The following WBP1L variants were observed in gnomAD, a reference collection of about 807,000 sequenced individuals.
The protein encoded by WBP1L is WW domain binding protein 1-like.
A neutral mutation model predicts 33.7 loss-of-function variants in WBP1L; 17 were observed. The ratio of observed to expected loss-of-function variants is 0.50; its 90% CI spans 0.34 to 0.76. WBP1L has a LOEUF of 0.76. Ranked by LOEUF, WBP1L falls within the 30% of genes least tolerant of loss-of-function variation. The pLI is 0.01. For missense variants in WBP1L, 389 were observed against 469.4 expected (o/e 0.83, Z 1.58); for synonymous variants, 173 against 190.8 (o/e 0.91, Z 0.77).
intron 1 of WBP1L, among the ~76,000 whole-genome samples, chr10:102,764,000 G>T (rs529698835): frequency 1.3e-5 from 2 of 151,636 alleles, no homozygotes; most frequent in East Asian, 3.9e-4. Flanking sequence ...TTTTGGTAAA[G>T]ACATGGTTTC....
intron 2 of WBP1L, among the ~76,000 whole-genome samples, chr10:102,803,471 A>G (rs998404791): frequency 6.6e-6 from 1 of 152,198 alleles, no homozygotes; most frequent in Non-Finnish European, 1.5e-5. Context: ...TTTGCTTAGC[A>G]TGACAAATGC....
intron 1 of WBP1L, among the ~76,000 whole-genome samples, chr10:102,781,005 A>G (rs1445703268): frequency 1.3e-5 from 2 of 152,240 alleles, no homozygotes; most frequent in Non-Finnish European, 2.9e-5. Context: ...AATACCCATC[A>G]AAGCCCTCTT....
chr10:102,814,359 C>T lies in WBP1L; in HGVS notation c.*1028C>T, dbSNP rs1193772154. 6.6e-6 allele frequency: 1 copy of T among 152,596 alleles called. No individual in the cohort carries two copies. Among genetic ancestry groups the T allele is most frequent in the Non-Finnish European group, 1.5e-5 (1 of 68,066 alleles). The allele number at this position is 152,596 out of a possible 1,614,324, so 9.5% of individuals were successfully genotyped here. A position where few individuals can be genotyped will look rare whatever the true frequency, so the allele number is the denominator to read the frequency against. Reference sequence around the variant, plus strand: ...CATCGCAAGCACACACCCTGCGGGCCTTCAAGTCTCACTGTTCCGTATGAG... The same window carrying T: ...CATCGCAAGCACACACCCTGCGGGCTTTCAAGTCTCACTGTTCCGTATGAG... On this transcript the variant is annotated 3_prime_UTR_variant, in exon 4 of 4. Transcript: ENST00000448841.
chr10:102,743,992 G>A lies in WBP1L; in HGVS notation c.-62G>A. 1 of 1,222,934 alleles carries A rather than the reference G, an allele frequency of 8.2e-7. No homozygotes were observed. Among genetic ancestry groups the A allele is most frequent in the Non-Finnish European group, 1.2e-6 (1 of 854,666 alleles). 75.8% of individuals were successfully genotyped at this position (1,222,934 alleles called of 1,614,324 possible). Reference sequence around the variant, plus strand: ...GAAGAAGGAAGAAGAGGGTAGAGGAGGAGAGGGAGGAGGAGGAGGGAGGTG... The same window carrying A: ...GAAGAAGGAAGAAGAGGGTAGAGGAAGAGAGGGAGGAGGAGGAGGGAGGTG... On this transcript the variant is annotated 5_prime_UTR_variant, in exon 1 of 4. Transcript: ENST00000448841.
chr10:102,808,573 G>T (rs114593732), intron 2 of WBP1L, among the ~76,000 whole-genome samples: 28 of 152,354 alleles, frequency 1.8e-4, no homozygotes, highest in African/African-American at 6.7e-4. Context: ...TACTGCAAGG[G>T]CAGGCCAAAG....
intron 1 of WBP1L, among the ~76,000 whole-genome samples, chr10:102,784,672 A>G (rs543211502): frequency 9.9e-5 from 15 of 151,818 alleles, no homozygotes; most frequent in East Asian, 5.8e-4. Context: ...TGATCTGCCC[A>G]CCTTGGCCTC....
At chr10:102,745,348 C>G (rs1842853168) in intron 1 of WBP1L, among the ~76,000 whole-genome samples, 1 of 152,180 alleles carries the variant, frequency 6.6e-6, no homozygotes, top group South Asian at 2.1e-4. Flanking sequence ...GTGAACAATT[C>G]AGTGGCATTT....
chr10:102,806,106 A>C (rs1297801500), intron 2 of WBP1L, among the ~76,000 whole-genome samples: 1 of 151,548 alleles, frequency 6.6e-6, no homozygotes, highest in Non-Finnish European at 1.5e-5. Flanking sequence ...GCAGCTGCTG[A>C]GGAGGCTGAG....
intron 1 of WBP1L, among the ~76,000 whole-genome samples, chr10:102,784,715 G>A (rs1334883051): frequency 1.3e-5 from 2 of 151,724 alleles, no homozygotes; most frequent in Non-Finnish European, 2.9e-5. Context: ...GTGAGCCACC[G>A]CGCCCGGCGA....
Position 102,812,740 on chromosome 10 carries a change from C to T in WBP1L, c.501C>T (p.Gly167=), listed in dbSNP as rs750202937. The T allele has an allele frequency of 1.9e-6, 3 of 1,613,772 alleles. No homozygotes were observed. Among genetic ancestry groups the T allele is most frequent in the Admixed American group, 3.3e-5 (2 of 59,968 alleles). The change falls in exon 4 of 4, where the codon GGC becomes GGT. Residue 167 remains glycine, a synonymous_variant. Coordinates refer to ENST00000448841, the MANE Select transcript of WBP1L (RefSeq NM_001083913.2). ...GCCCTGCAGGTGGCAGTCCCCCGGG[C>T]ATCGATCCCACCAGGGGATCCCAGG... is the stretch of plus-strand genomic sequence containing the variant. ...QCGPAGGSPP[G]IDPTRGSQGA...
At chr10:102,759,638 C>T (rs1165722374) in intron 1 of WBP1L, among the ~76,000 whole-genome samples, 1 of 152,108 alleles carries the variant, frequency 6.6e-6, no homozygotes, top group Non-Finnish European at 1.5e-5. Context: ...CTGCTGTGAA[C>T]GTTGGTGTAC....
At chr10:102,746,120 A>G in intron 1 of WBP1L, 1 of 985,226 alleles carries the variant, frequency 1.0e-6, no homozygotes, top group Non-Finnish European at 1.2e-6. Flanking sequence ...CCACTTTTTC[A>G]GCAACGGGGA....
intron 1 of WBP1L, among the ~76,000 whole-genome samples, chr10:102,757,468 C>T (rs1056789924): frequency 6.6e-6 from 1 of 151,998 alleles, no homozygotes; most frequent in African/African-American, 2.4e-5. Flanking sequence ...GCTCTGTCTG[C>T]TCTCATACAC....
At chr10:102,802,616 C>T (rs1436173580) in intron 2 of WBP1L, among the ~76,000 whole-genome samples, 1 of 152,168 alleles carries the variant, frequency 6.6e-6, no homozygotes, top group African/African-American at 2.4e-5. Context: ...CCACCTCAGC[C>T]TCCCAAATAG....
At chr10:102,812,032 G>A (rs1247139493) in intron 3 of WBP1L, among the ~76,000 whole-genome samples, 1 of 152,222 alleles carries the variant, frequency 6.6e-6, no homozygotes, top group Non-Finnish European at 1.5e-5. Flanking sequence ...CCTGATCTGA[G>A]TCAAGGTGAA....
At chr10:102,805,304 A>T (rs936700892) in intron 2 of WBP1L, among the ~76,000 whole-genome samples, 55 of 152,268 alleles carry the variant, frequency 3.6e-4, no homozygotes, top group African/African-American at 1.1e-3. Flanking sequence ...TAAATTTTTT[A>T]AAAAATTGTA....
chr10:102,793,372 G>A (rs995979409), intron 1 of WBP1L, among the ~76,000 whole-genome samples: 1 of 152,214 alleles, frequency 6.6e-6, no homozygotes. Flanking sequence ...GTGAGCCCAG[G>A]AGTTTGAGGC....
At chr10:102,765,887 C>T (rs1400269902) in intron 1 of WBP1L, among the ~76,000 whole-genome samples, 1 of 152,158 alleles carries the variant, frequency 6.6e-6, no homozygotes, top group African/African-American at 2.4e-5. Flanking sequence ...CATAAAATGA[C>T]CTTGCTGTTA....
intron 1 of WBP1L, among the ~76,000 whole-genome samples, chr10:102,752,803 G>C (rs991407619): frequency 1.3e-5 from 2 of 152,184 alleles, no homozygotes; most frequent in African/African-American, 2.4e-5. Flanking sequence ...GGTGTTCTCA[G>C]GGTCTGTCAC....
Sources: gnomAD v4.1 joint callset for allele counts (sites outside exome capture counted in the v4.1 genomes callset) on GRCh38, gnomAD v4.1.1 for gene constraint, MANE v1.5 for transcripts, NCBI Gene and HGNC (gene_info 2026-07-23, HGNC 2026-07-21) for gene names.